CADM2: variants seen among roughly 807,000 people sequenced by gnomAD.
The protein encoded by CADM2 is cell adhesion molecule 2.
CADM2 carries 12 observed loss-of-function variants against 49.8 expected under a neutral mutation model. That is an observed-to-expected ratio of 0.24 (90% CI 0.15 to 0.39). The LOEUF is 0.39. Among genes scored for constraint, CADM2 ranks in the 10% least tolerant of loss-of-function variants. CADM2 has a pLI of 1.00. For synonymous variants in CADM2, 214 were observed against 175.4 expected (o/e 1.22, Z -1.74); for missense variants, 378 against 492.3 (o/e 0.77, Z 2.20).
At chr3:85,460,398 C>A (rs2038189179) in intron 1 of CADM2, among the ~76,000 whole-genome samples, 1 of 152,094 alleles carries the variant, frequency 6.6e-6, no homozygotes, top group Non-Finnish European at 1.5e-5. Flanking sequence ...TGATTTTGTA[C>A]TCAGACACAC....
At chr3:85,311,230 A>G (rs1286674961) in intron 1 of CADM2, among the ~76,000 whole-genome samples, 2 of 152,086 alleles carry the variant, frequency 1.3e-5, no homozygotes, top group African/African-American at 4.8e-5. Context: ...CAAAATCTAT[A>G]CATTAGCTAG....
intron 1 of CADM2, among the ~76,000 whole-genome samples, chr3:85,048,226 T>C (rs1028770767): frequency 2.0e-5 from 3 of 152,200 alleles, no homozygotes; most frequent in Non-Finnish European, 4.4e-5. Context: ...TTTTGTTTTA[T>C]GTAATAGGCA....
At chr3:85,290,432 C>T (rs1423215332) in intron 1 of CADM2, among the ~76,000 whole-genome samples, 1 of 152,188 alleles carries the variant, frequency 6.6e-6, no homozygotes, top group East Asian at 1.9e-4. Context: ...TGGGTGGAGC[C>T]CACCACAGCT....
At chr3:85,025,606 T>C (rs974129075) in intron 1 of CADM2, among the ~76,000 whole-genome samples, 2 of 152,182 alleles carry the variant, frequency 1.3e-5, no homozygotes, top group Non-Finnish European at 2.9e-5. Flanking sequence ...TTCACAAACA[T>C]TGAACAATGG....
chr3:85,546,926 GTT>G (rs574253584), intron 1 of CADM2, among the ~76,000 whole-genome samples: 208 of 152,014 alleles, frequency 1.4e-3, no homozygotes, highest in Non-Finnish European at 2.4e-3. Context: ...CAATCACAGT[GTT>G]TTATATTTGA....
At position 85,509,502 on chromosome 3, in the gene CADM2, A is replaced by G. The variant is rs541549383; in HGVS notation, c.62-217020A>G. ...ATTTCAGAAAAATAGGTATACACAC[A>G]ATTAAATGACATGTTTAACAGATTC... On this transcript the variant is annotated intron_variant, in intron 1 of 9. Transcript: ENST00000383699. Among the ~76,000 whole-genome samples the G allele has an allele frequency of 2.0e-5, 3 of 152,258 alleles. No homozygotes were observed. In the South Asian group the frequency reaches 6.2e-4, roughly 32 times the overall value.
At chr3:85,870,151 G>T (rs2075868868) in intron 3 of CADM2, among the ~76,000 whole-genome samples, 1 of 151,888 alleles carries the variant, frequency 6.6e-6, no homozygotes, top group African/African-American at 2.4e-5. Flanking sequence ...TTTTCTGCTT[G>T]GTAAAATTCC....
At chr3:85,207,850 G>GT (rs936672066) in intron 1 of CADM2, among the ~76,000 whole-genome samples, 7 of 152,070 alleles carry the variant, frequency 4.6e-5, no homozygotes, top group Non-Finnish European at 7.4e-5. Context: ...CTTGAAAGGA[G>GT]TTTTTTTGTT....
At chr3:85,183,119 A>G (rs1029379209) in intron 1 of CADM2, among the ~76,000 whole-genome samples, 26 of 152,138 alleles carry the variant, frequency 1.7e-4, no homozygotes, top group Non-Finnish European at 2.9e-5. Context: ...GATACTCTCA[A>G]ATTAATACTA....
intron 1 of CADM2, among the ~76,000 whole-genome samples, chr3:85,530,277 CATGTGGAA>C (rs1191378822): frequency 6.6e-6 from 1 of 150,460 alleles, no homozygotes; most frequent in Non-Finnish European, 1.5e-5. Context: ...CCTTCGCAGC[CATGTGGAA>C]ATGTGGAACT....
chr3:85,676,894 C>G (rs1333799950), intron 1 of CADM2, among the ~76,000 whole-genome samples: 1 of 152,118 alleles, frequency 6.6e-6, no homozygotes, highest in Non-Finnish European at 1.5e-5. Context: ...GTTTCCGTGA[C>G]ACTTATATCC....
chr3:86,049,475 C>T (rs1255849444), intron 8 of CADM2, among the ~76,000 whole-genome samples: 1 of 151,866 alleles, frequency 6.6e-6, no homozygotes, highest in Non-Finnish European at 1.5e-5. Flanking sequence ...GGGGTTTCAC[C>T]ATGTTAGCCA....
At chr3:85,906,128 A>G (rs190318803) in intron 5 of CADM2, among the ~76,000 whole-genome samples, 202 of 152,304 alleles carry the variant, frequency 1.3e-3, no homozygotes, top group Non-Finnish European at 2.3e-3. Flanking sequence ...TACTGAATAG[A>G]CTTAAAATAA....
intron 1 of CADM2, among the ~76,000 whole-genome samples, chr3:85,289,260 G>A (rs1287039896): frequency 6.6e-6 from 1 of 152,146 alleles, no homozygotes; most frequent in African/African-American, 2.4e-5. Context: ...TAATTATGGA[G>A]GGGTAAAGTA....
chr3:85,899,308 TTGTA>T (rs777515127), intron 5 of CADM2, among the ~76,000 whole-genome samples: 1 of 152,130 alleles, frequency 6.6e-6, no homozygotes, highest in Non-Finnish European at 1.5e-5. Context: ...TGCTTTAGTT[TTGTA>T]TGTGAGAAAT....
intron 5 of CADM2, among the ~76,000 whole-genome samples, chr3:85,894,798 G>A (rs1446529791): frequency 6.6e-6 from 1 of 152,194 alleles, no homozygotes; most frequent in Non-Finnish European, 1.5e-5. Context: ...TGCTTCAGAG[G>A]GTGCAAGTCC....
chr3:85,462,230 A>G (rs1379821473), intron 1 of CADM2, among the ~76,000 whole-genome samples: 1 of 152,114 alleles, frequency 6.6e-6, no homozygotes, highest in African/African-American at 2.4e-5. Flanking sequence ...TCCCCCCAAT[A>G]TAATTTGAAA....
chr3:85,428,495 C>A, intron 1 of CADM2, among the ~76,000 whole-genome samples: 1 of 143,592 alleles, frequency 7.0e-6, no homozygotes. Context: ...ATACATATTC[C>A]CCTATGGGGA....
intron 2 of CADM2, among the ~76,000 whole-genome samples, chr3:85,753,821 G>T (rs1210294078): frequency 6.6e-6 from 1 of 152,138 alleles, no homozygotes; most frequent in East Asian, 1.9e-4. Flanking sequence ...AGAGAAGAAA[G>T]AATTCAAGGG....
Sources: allele counts gnomAD v4.1 joint callset (sites outside exome capture counted in the v4.1 genomes callset), GRCh38; gene constraint gnomAD v4.1.1; transcripts MANE v1.5; gene names NCBI Gene and HGNC (gene_info 2026-07-23, HGNC 2026-07-21).